The following HEATR5A variants were observed in gnomAD, a reference collection of about 807,000 sequenced individuals.
The protein encoded by HEATR5A is HEAT repeat containing 5A.
A neutral mutation model predicts 218.8 loss-of-function variants in HEATR5A; 178 were observed. The observed-to-expected ratio is 0.81, with a 90% CI of 0.72 to 0.92. The LOEUF (loss-of-function observed/expected upper bound fraction) is 0.92. HEATR5A is among the 40% of genes least tolerant of loss of function. The pLI, the probability that HEATR5A is intolerant of heterozygous loss-of-function variation, is 0.00. For synonymous variants in HEATR5A, 864 were observed against 871.6 expected (o/e 0.99, Z 0.15); for missense variants, 2,420 against 2,418.9 (o/e 1.00, Z -0.01).
At chr14:31,416,816 T>C (rs1052988025) in intron 1 of HEATR5A, among the ~76,000 whole-genome samples, 6 of 152,272 alleles carry the variant, frequency 3.9e-5, no homozygotes, top group African/African-American at 1.4e-4. Flanking sequence ...AAAAACTCTT[T>C]TGAGGCCAGA....
chr14:31,375,243 T>C (rs914503562), intron 11 of HEATR5A, among the ~76,000 whole-genome samples: 5 of 152,172 alleles, frequency 3.3e-5, no homozygotes, highest in Non-Finnish European at 7.3e-5. Context: ...CTCAGTTTCG[T>C]CTACATATTA....
chr14:31,404,452 T>C (rs2030986246), intron 1 of HEATR5A, among the ~76,000 whole-genome samples: 1 of 152,212 alleles, frequency 6.6e-6, no homozygotes, highest in Non-Finnish European at 1.5e-5. Context: ...ACAGTTTACC[T>C]GTTTGAAATT....
At position 31,302,462 on chromosome 14, in the gene HEATR5A, G is replaced by GTC. The variant is rs1156991461; in HGVS notation, c.5295_5296dup (p.Thr1766ArgfsTer4). 1.3e-6 allele frequency: 2 copies of GTC among 1,596,774 alleles called. No individual in the cohort carries two copies. The highest frequency in any genetic ancestry group is 3.5e-5 in the Admixed American group (2 of 57,776). ...CTGGCCCCCAGGTAACTTCACAGCA[G>GTC]TCTCTCTGAGGACCCCGATTGTGAG... On this transcript the variant is annotated frameshift_variant, in exon 33 of 36. Transcript: ENST00000543095. LOFTEE classifies it high-confidence loss of function.
intron 26 of HEATR5A, among the ~76,000 whole-genome samples, chr14:31,316,186 G>A (rs1474121514): frequency 6.6e-6 from 1 of 152,132 alleles, no homozygotes; most frequent in African/African-American, 2.4e-5. Flanking sequence ...GAAGGCTAAG[G>A]CAGGAGGATT....
In HEATR5A at chr14:31,302,384, G is replaced by A. The variant is rs1467273337; in HGVS notation, c.5375C>T (p.Ser1792Phe). The change falls in exon 33 of 36, where the codon TCT becomes TTT. Residue 1792 changes from serine to phenylalanine, a missense_variant. By Grantham distance (155) the Ser-to-Phe change is radical. Coordinates refer to ENST00000543095, the MANE Select transcript of HEATR5A (RefSeq NM_015473.4). ...SLQALKGILS[S>F]PMARAEKSRT... Reference sequence around the variant, plus strand: ...GCTCTTTTCTGCCCGGGCCATGGGAGAAGATAATATTCCTTTTAGAGCCTG... The same window carrying A: ...GCTCTTTTCTGCCCGGGCCATGGGAAAAGATAATATTCCTTTTAGAGCCTG... 1.2e-6 allele frequency: 2 copies of A among 1,603,534 alleles called. No individual in the cohort carries two copies. The highest frequency in any genetic ancestry group is 1.7e-6 in the Non-Finnish European group (2 of 1,174,814).
At chr14:31,389,674 T>C (rs192715739) in intron 6 of HEATR5A, among the ~76,000 whole-genome samples, 5 of 152,244 alleles carry the variant, frequency 3.3e-5, no homozygotes, top group Admixed American at 3.3e-4. Flanking sequence ...AAGAAACCAT[T>C]TCTCCCTTGA....
chr14:31,418,141 G>A (rs1289548235), intron 1 of HEATR5A, among the ~76,000 whole-genome samples: 2 of 151,988 alleles, frequency 1.3e-5, no homozygotes, highest in Non-Finnish European at 2.9e-5. Context: ...CGGGGAGGTA[G>A]AGCTTGCAAG....
At chr14:31,340,516 A>G in intron 21 of HEATR5A, 2 of 1,244,196 alleles carry the variant, frequency 1.6e-6, no homozygotes, top group Non-Finnish European at 2.1e-6. Flanking sequence ...TGACAAAACC[A>G]AAAGATAAAT....
At chr14:31,309,245 G>A in intron 28 of HEATR5A, 63 bp from the exon 29 acceptor site, 2 of 1,553,386 alleles carry the variant, frequency 1.3e-6, no homozygotes, top group Non-Finnish European at 1.8e-6. Flanking sequence ...TCTTTTTTCT[G>A]TTACAAGATA....
intron 13 of HEATR5A, among the ~76,000 whole-genome samples, chr14:31,369,442 G>A (rs1373363088): frequency 2.6e-5 from 4 of 151,180 alleles, no homozygotes; most frequent in Non-Finnish European, 2.9e-5. Flanking sequence ...GCAAAATCCT[G>A]TCTCTATGAA....
rs767675731 is a variant in HEATR5A, at chr14:31,305,081, G to A, written c.5063C>T (p.Thr1688Ile). 2 of 1,613,926 alleles carry A rather than the reference G, an allele frequency of 1.2e-6. No individual in the cohort carries two copies. The highest frequency in any genetic ancestry group is 1.7e-5 in the Admixed American group (1 of 60,008). Residue 1688 changes from threonine to isoleucine, a missense_variant, in exon 32 of 36, where the codon ACA (threonine) becomes ATA (isoleucine). Coordinates refer to ENST00000543095, the MANE Select transcript of HEATR5A (RefSeq NM_015473.4). ...TAGAATGCATACACACAATTCCAGT[G>A]TTGCAAAGACCAAAGACTTTCCAGG... is the stretch of plus-strand genomic sequence containing the variant. ...LVPGKSLVFA[T>I]LELCVCILVR...
intron 1 of HEATR5A, among the ~76,000 whole-genome samples, chr14:31,417,580 T>C (rs2031495314): frequency 6.8e-6 from 1 of 147,060 alleles, no homozygotes; most frequent in Admixed American, 6.8e-5. Context: ...CAAGACTCTG[T>C]CTCAAAAAAA....
intron 3 of HEATR5A, among the ~76,000 whole-genome samples, chr14:31,399,648 G>A (rs1259098818): frequency 6.6e-6 from 1 of 152,100 alleles, no homozygotes; most frequent in African/African-American, 2.4e-5. Context: ...TGGCCAACAT[G>A]GTGAAACCCC....
Position 31,383,691 on chromosome 14 carries a change from T to G in HEATR5A, c.1426A>C (p.Ile476Leu). ...AGGTAGGAGGGTAATGCCACGGCAA[T>G]GCAGTGTAAACACCAAGCTGCTGCT... ...RLAAAWCLHC[I>L]AVALPSYLTP... The change falls in exon 10 of 36, where the codon ATT (isoleucine) becomes CTT (leucine). Residue 476 changes from isoleucine (I) to leucine (L), a missense_variant. By Grantham distance (5) the Ile-to-Leu change is conservative. Transcript: ENST00000543095. 6.2e-7 allele frequency: 1 copy of G among 1,613,900 alleles called. No individual in the cohort carries two copies. The highest frequency in any genetic ancestry group is 8.5e-7 in the Non-Finnish European group (1 of 1,179,836).
chr14:31,337,235 C>A (rs1054133011), intron 22 of HEATR5A, among the ~76,000 whole-genome samples: 3 of 152,114 alleles, frequency 2.0e-5, no homozygotes, highest in African/African-American at 7.2e-5. Flanking sequence ...GGATGGGTCC[C>A]AATAATCTGC....
chr14:31,409,739 C>A (rs2031210051), intron 1 of HEATR5A, among the ~76,000 whole-genome samples: 1 of 152,142 alleles, frequency 6.6e-6, no homozygotes, highest in South Asian at 2.1e-4. Flanking sequence ...GGTTTTAATT[C>A]ATTTGGAAAT....
intron 21 of HEATR5A, among the ~76,000 whole-genome samples, chr14:31,339,933 A>G (rs1179353673): frequency 6.6e-6 from 1 of 152,244 alleles, no homozygotes; most frequent in Non-Finnish European, 1.5e-5. Context: ...GAGTTTTACA[A>G]GCATATAATA....
At chr14:31,312,295 TAATC>T (rs1394713275) in intron 28 of HEATR5A, among the ~76,000 whole-genome samples, 1 of 152,138 alleles carries the variant, frequency 6.6e-6, no homozygotes, top group African/African-American at 2.4e-5. Flanking sequence ...TAAAGATTCT[TAATC>T]AAGGAAATAA....
intron 1 of HEATR5A, among the ~76,000 whole-genome samples, chr14:31,404,868 C>CA (rs2031000740): frequency 6.6e-6 from 1 of 151,438 alleles, no homozygotes; most frequent in African/African-American, 2.4e-5. Context: ...AAGCCATGAC[C>CA]ACACCACTGC....
Sources: allele counts gnomAD v4.1 joint callset (sites outside exome capture counted in the v4.1 genomes callset), GRCh38; gene constraint gnomAD v4.1.1; transcripts MANE v1.5; gene names NCBI Gene and HGNC (gene_info 2026-07-23, HGNC 2026-07-21).